The following RCSD1 variants were observed in gnomAD, a reference collection of about 807,000 sequenced individuals.
The protein encoded by RCSD1 is capZ-interacting protein.
In RCSD1, 26 loss-of-function variants were observed where a neutral mutation model predicts 42.5. The ratio of observed to expected loss-of-function variants is 0.61; its 90% CI spans 0.45 to 0.85. The LOEUF (loss-of-function observed/expected upper bound fraction) is 0.85, where lower values mean the gene tolerates loss of function less well. Ranked by LOEUF, RCSD1 falls within the 40% of genes least tolerant of loss-of-function variation. The pLI is 0.00. For synonymous variants in RCSD1, 220 were observed against 212.2 expected, an observed-to-expected ratio of 1.04 and a Z score of -0.32; for missense variants, 571 against 528.3, an observed-to-expected ratio of 1.08 and a Z score of -0.79.
chr1:167,693,815 T>A (rs1483319368), intron 4 of RCSD1, among the ~76,000 whole-genome samples: 1 of 152,240 alleles, frequency 6.6e-6, no homozygotes, highest in African/African-American at 2.4e-5. Context: ...ACTTTGTTGA[T>A]AAGTTGAGCT....
chr1:167,704,531 C>T (rs1444518017), intron 6 of RCSD1, 133 bp from the exon 7 acceptor site: 2 of 766,150 alleles, frequency 2.6e-6, no homozygotes, highest in African/African-American at 3.5e-5. Flanking sequence ...ACATAGCATT[C>T]TTATGACTAT....
At chr1:167,645,933 A>G (rs1399006513) in intron 1 of RCSD1, among the ~76,000 whole-genome samples, 1 of 152,080 alleles carries the variant, frequency 6.6e-6, no homozygotes, top group Non-Finnish European at 1.5e-5. Context: ...GGATGGAAGG[A>G]GCACTGGAGG....
chr1:167,638,698 A>T (rs1657919194), intron 1 of RCSD1, among the ~76,000 whole-genome samples: 1 of 152,166 alleles, frequency 6.6e-6, no homozygotes, highest in African/African-American at 2.4e-5. Flanking sequence ...CAGCTAAAAG[A>T]CTTCTGAAAG....
At chr1:167,641,900 T>C (rs1658014799) in intron 1 of RCSD1, 1 of 152,152 alleles carries the variant, frequency 6.6e-6, no homozygotes. Context: ...CATGCCACAA[T>C]CTTAGTGGCT....
intron 1 of RCSD1, among the ~76,000 whole-genome samples, chr1:167,643,747 T>C (rs1658062419): frequency 6.6e-6 from 1 of 152,224 alleles, no homozygotes; most frequent in Non-Finnish European, 1.5e-5. Context: ...ACCTACCTGC[T>C]AGGGTTGTTG....
At chr1:167,651,823 A>G (rs1658314826) in intron 1 of RCSD1, among the ~76,000 whole-genome samples, 1 of 152,086 alleles carries the variant, frequency 6.6e-6, no homozygotes, top group Non-Finnish European at 1.5e-5. Context: ...TGAGCCTCTG[A>G]TAGGCCTTCT....
chr1:167,634,953 T>A (rs892439285), intron 1 of RCSD1, among the ~76,000 whole-genome samples: 2 of 150,932 alleles, frequency 1.3e-5, no homozygotes, highest in African/African-American at 4.9e-5. Context: ...TGTGTGTGTG[T>A]GTGTGTGTGT....
Position 167,690,227 on chromosome 1 carries a change from A to G in RCSD1, c.270+107A>G, listed in dbSNP as rs75683476. Reference sequence around the variant, plus strand: ...TAGGGGTAGCCTATGTGTCACCTGCATAATTGGCCCCAATAATCAGCCAGT... The same window carrying G: ...TAGGGGTAGCCTATGTGTCACCTGCGTAATTGGCCCCAATAATCAGCCAGT... On this transcript the variant is annotated intron_variant, in intron 4 of 6. Coordinates refer to ENST00000367854, the MANE Select transcript of RCSD1 (RefSeq NM_052862.4). 456 of 940,274 alleles carry G rather than the reference A, an allele frequency of 4.8e-4. 2 individuals are homozygous for G. In the African/African-American group the frequency reaches 6.9e-3, roughly 14 times the overall value. 58.2% of individuals were successfully genotyped at this position (940,274 alleles called of 1,614,324 possible).
At chr1:167,687,445 C>A (rs982465603) in intron 3 of RCSD1, among the ~76,000 whole-genome samples, 4 of 152,076 alleles carry the variant, frequency 2.6e-5, no homozygotes, top group South Asian at 4.1e-4. Flanking sequence ...ATGGCGTGAA[C>A]CCCGGAGGCG....
chr1:167,649,741 G>A (rs554623426), intron 1 of RCSD1, among the ~76,000 whole-genome samples: 1 of 152,294 alleles, frequency 6.6e-6, no homozygotes, highest in South Asian at 2.1e-4. Flanking sequence ...CTTCCTCACA[G>A]GGACAAGAAT....
Position 167,689,533 on chromosome 1 carries a change from A to G in RCSD1, c.199-516A>G, listed in dbSNP as rs571206622. 2.6e-5 allele frequency among the ~76,000 whole-genome samples: 4 copies of G among 152,246 alleles called. No homozygotes were observed. The South Asian group carries it at 8.3e-4, about 32-fold the overall frequency. ...GAAAAAGAATATTCAAATATTCAAC[A>G]TTTTGGAAAATCATAATTTATAAAT... On this transcript the variant is annotated intron_variant, in intron 3 of 6. Transcript: ENST00000367854.
At position 167,630,255 on chromosome 1, in the gene RCSD1, C is replaced by T. The variant is rs1028438524; in HGVS notation, c.-169C>T. On this transcript the variant is annotated 5_prime_UTR_variant, in exon 1 of 7. Coordinates refer to ENST00000367854, the MANE Select transcript of RCSD1 (RefSeq NM_052862.4). ...TTCTCTCGCGCAGGGCCCCCGCGGC[C>T]GGGGCAGTCCCGCAGCCGAGCGCAG... 6 of 546,728 alleles carry T rather than the reference C, an allele frequency of 1.1e-5. No individual in the cohort carries two copies. The highest frequency in any genetic ancestry group is 1.6e-5 in the Non-Finnish European group (6 of 369,218). The allele number at this position is 546,728 out of a possible 1,614,324, so 33.9% of individuals were successfully genotyped here.
At position 167,694,086 on chromosome 1, in the gene RCSD1, CT is replaced by C. The variant is rs1342344976; in HGVS notation, c.271-9del. ...CCTAGTCCTATTTGAAATTGTTCATCTTTTCTTGACAGGCCAATTTAACCTT... is the reference window on the plus strand; with the variant it reads ...CCTAGTCCTATTTGAAATTGTTCATCTTTCTTGACAGGCCAATTTAACCTT... On this transcript the variant is annotated splice_polypyrimidine_tract_variant and intron_variant, in intron 4 of 6. Transcript: ENST00000367854. 1 of 1,613,798 alleles carries C rather than the reference CT, an allele frequency of 6.2e-7. No homozygotes were observed. The highest frequency in any genetic ancestry group is 2.2e-5 in the East Asian group (1 of 44,876).
chr1:167,659,621 G>A (rs1658498232), intron 1 of RCSD1, among the ~76,000 whole-genome samples: 1 of 152,178 alleles, frequency 6.6e-6, no homozygotes, highest in South Asian at 2.1e-4. Context: ...TGTGATCACA[G>A]GCTCCCCTTG....
In RCSD1 at chr1:167,708,245, C is replaced by G. The variant is rs891390805; in HGVS notation, c.*3549C>G. ...TGCAAAGGTGAGCAAGAAGATTCCCCAAAGTGAAATCAGGGTGCTGTTACC... is the reference window on the plus strand; with the variant it reads ...TGCAAAGGTGAGCAAGAAGATTCCCGAAAGTGAAATCAGGGTGCTGTTACC... On this transcript the variant is annotated 3_prime_UTR_variant, in exon 7 of 7. Coordinates refer to ENST00000367854, the MANE Select transcript of RCSD1 (RefSeq NM_052862.4). Among the ~76,000 whole-genome samples, 4 of 152,182 alleles carry G rather than the reference C, an allele frequency of 2.6e-5. No individual in the cohort carries two copies. Among genetic ancestry groups the G allele is most frequent in the Admixed American group, 2.6e-4 (4 of 15,288 alleles).
At chr1:167,684,971 C>T (rs1226524458) in intron 2 of RCSD1, among the ~76,000 whole-genome samples, 2 of 152,194 alleles carry the variant, frequency 1.3e-5, no homozygotes, top group Non-Finnish European at 2.9e-5. Context: ...TACTTATTTG[C>T]CTTGCATTTT....
rs553566197 is a variant in RCSD1, at chr1:167,695,010, G to A, written c.474+708G>A. The stretch of plus-strand genomic sequence containing the variant: ...GTCTGGTGCCAGAGAATGCTAAATG[G>A]GTGTGGCTTAAAATTAATGATGGAG... On this transcript the variant is annotated intron_variant, in intron 5 of 6. Transcript: ENST00000367854. Among the ~76,000 whole-genome samples the A allele has an allele frequency of 1.9e-4, 29 of 152,276 alleles. No homozygotes were observed. In the South Asian group the frequency reaches 5.8e-3, roughly 30 times the overall value.
At chr1:167,682,973 C>T (rs965789398) in intron 1 of RCSD1, among the ~76,000 whole-genome samples, 10 of 152,116 alleles carry the variant, frequency 6.6e-5, no homozygotes, top group Admixed American at 1.3e-4. Context: ...GTTATGTAGG[C>T]CTCCTGTAAC....
chr1:167,636,307 G>C (rs1269913755), intron 1 of RCSD1, among the ~76,000 whole-genome samples: 1 of 152,186 alleles, frequency 6.6e-6, no homozygotes, highest in Non-Finnish European at 1.5e-5. Flanking sequence ...GATGCCATTA[G>C]AGCCTATCCT....
Sources: gnomAD v4.1 joint callset for allele counts (sites outside exome capture counted in the v4.1 genomes callset) on GRCh38, gnomAD v4.1.1 for gene constraint, MANE v1.5 for transcripts, NCBI Gene and HGNC (gene_info 2026-07-23, HGNC 2026-07-21) for gene names.